The following FGF13 variants were observed in gnomAD, a reference collection of about 807,000 sequenced individuals.
FGF13 encodes fibroblast growth factor 13.
Under a neutral mutation model 19.5 loss-of-function variants are expected in FGF13, and 2 were observed. The observed-to-expected ratio is 0.10, with a 90% confidence interval of 0.04 to 0.32. The LOEUF (loss-of-function observed/expected upper bound fraction) is 0.32. Ranked by LOEUF, FGF13 falls within the 10% of genes least tolerant of loss-of-function variation. The pLI is 1.00. For missense variants in FGF13, 113 were observed against 192.7 expected (o/e 0.59, Z 2.45); for synonymous variants, 72 against 76.9 (o/e 0.94, Z 0.33).
At chrX:138,799,191 G>A (rs897286320) in intron 3 of FGF13, among the ~76,000 whole-genome samples, 1 of 111,783 alleles carries the variant, frequency 8.9e-6, no homozygotes, top group Non-Finnish European at 1.9e-5. Context: ...TCTGATGTGG[G>A]CATTTGGTGC....
intron 1 of FGF13, among the ~76,000 whole-genome samples, chrX:139,000,826 A>G (rs1241933109): frequency 1.8e-5 from 2 of 112,082 alleles, no homozygotes; most frequent in African/African-American, 6.5e-5. Context: ...CAGAATTGGA[A>G]AAAAACAACT....
At chrX:138,685,019 C>A (rs765376336) in intron 3 of FGF13, among the ~76,000 whole-genome samples, 5 of 111,821 alleles carry the variant, frequency 4.5e-5, no homozygotes, top group Non-Finnish European at 9.4e-5. Flanking sequence ...GGAAAATGAA[C>A]TACTAAATAT....
intron 3 of FGF13, among the ~76,000 whole-genome samples, chrX:138,755,265 T>G (rs2124322219): frequency 8.9e-6 from 1 of 112,373 alleles, no homozygotes; most frequent in East Asian, 2.8e-4. Flanking sequence ...TTAAAAATAC[T>G]ATTGGAATTC....
chrX:139,101,108 C>CATAAGTCATATTTGAGT (rs1412999183), intron 1 of FGF13, among the ~76,000 whole-genome samples: 1 of 111,043 alleles, frequency 9.0e-6, no homozygotes, highest in Non-Finnish European at 1.9e-5. Context: ...GACTGATGGG[C>CATAAGTCATATTTGAGT]ATAAGTCATA....
intron 1 of FGF13, among the ~76,000 whole-genome samples, chrX:139,192,543 G>A (rs893132973): frequency 8.0e-5 from 9 of 112,275 alleles, no homozygotes; most frequent in Admixed American, 1.9e-4. Flanking sequence ...GCAAGCTTGA[G>A]AAACACTGCC....
rs192792369 is a variant in FGF13, at chrX:138,958,476, T to C, written c.-112-93826A>G. On this transcript the variant is annotated intron_variant, in intron 1 of 2. Transcript: ENST00000421460. ...CATCGATGTTCATCAGGGATATTGG[T>C]TTAAATTCTCTTTGTTGTGTCTCTG... Among the ~76,000 whole-genome samples the C allele has an allele frequency of 4.1e-4, 45 of 110,978 alleles. No homozygotes were observed. In the East Asian group the frequency reaches 9.1e-3, roughly 23 times the overall value.
intron 3 of FGF13, among the ~76,000 whole-genome samples, chrX:138,672,092 G>T (rs1385805593): frequency 9.1e-6 from 1 of 109,593 alleles, no homozygotes; most frequent in Non-Finnish European, 1.9e-5. Flanking sequence ...ACAGTGAGTG[G>T]TAAGTAAGGA....
intron 1 of FGF13, among the ~76,000 whole-genome samples, chrX:139,122,653 G>C (rs1482488053): frequency 7.2e-5 from 8 of 111,208 alleles, no homozygotes; most frequent in Admixed American, 4.8e-4. Flanking sequence ...TATATAACAG[G>C]CTTCTCAAAA....
chrX:139,178,088 G>C (rs1186355055), intron 1 of FGF13, among the ~76,000 whole-genome samples: 1 of 111,606 alleles, frequency 9.0e-6, no homozygotes, highest in Non-Finnish European at 1.9e-5. Context: ...ACCTCAGTTG[G>C]AAATGCAGAA....
At chrX:138,848,133 G>A (rs995246715) in intron 3 of FGF13, among the ~76,000 whole-genome samples, 4 of 112,008 alleles carry the variant, frequency 3.6e-5, no homozygotes, top group African/African-American at 9.7e-5. Flanking sequence ...ATTACCACAC[G>A]CTTATGGAGA....
intron 1 of FGF13, among the ~76,000 whole-genome samples, chrX:138,978,207 C>T (rs1444495159): frequency 9.1e-6 from 1 of 109,674 alleles, no homozygotes; most frequent in African/African-American, 3.3e-5. Context: ...CATAACTTGC[C>T]TCTGTGTAAA....
chrX:138,736,558 A>G (rs1389159213), intron 1 of FGF13, among the ~76,000 whole-genome samples: 2 of 110,668 alleles, frequency 1.8e-5, no homozygotes, highest in Non-Finnish European at 3.8e-5. Context: ...AATGGACTCA[A>G]TGTTTGGAAT....
chrX:138,699,552 C>T (rs1018674726), intron 3 of FGF13, among the ~76,000 whole-genome samples: 12 of 111,326 alleles, frequency 1.1e-4, no homozygotes, highest in Non-Finnish European at 2.3e-4. Context: ...AATCTGGCTT[C>T]TGTTCCCAAT....
intron 1 of FGF13, among the ~76,000 whole-genome samples, chrX:139,009,580 T>G: frequency 9.0e-6 from 1 of 111,580 alleles, no homozygotes; most frequent in Admixed American, 9.5e-5. Context: ...ATAGATACAC[T>G]CTTTTCCAGA....
intron 3 of FGF13, among the ~76,000 whole-genome samples, chrX:138,842,209 TA>T (rs2091153937): frequency 9.0e-6 from 1 of 111,183 alleles, no homozygotes; most frequent in Non-Finnish European, 1.9e-5. Flanking sequence ...CCTTTTCATA[TA>T]CAGAGTTTTC....
At chrX:138,969,660 T>C (rs1490286783) in intron 1 of FGF13, among the ~76,000 whole-genome samples, 1 of 111,597 alleles carries the variant, frequency 9.0e-6, no homozygotes, top group African/African-American at 3.3e-5. Flanking sequence ...CGGAATGTAT[T>C]AGGAATGTGT....
At chrX:138,934,444 C>T (rs2091721104) in intron 1 of FGF13, among the ~76,000 whole-genome samples, 2 of 112,259 alleles carry the variant, frequency 1.8e-5, no homozygotes. Flanking sequence ...AAATGACCTG[C>T]CATCATGCTA....
At chrX:138,969,550 T>C (rs2091907452) in intron 1 of FGF13, among the ~76,000 whole-genome samples, 1 of 111,459 alleles carries the variant, frequency 9.0e-6, no homozygotes, top group African/African-American at 3.3e-5. Context: ...TAAAATAAGG[T>C]TGTGGGGTGT....
At chrX:138,730,473 T>C (rs1359991082) in intron 1 of FGF13, among the ~76,000 whole-genome samples, 4 of 111,955 alleles carry the variant, frequency 3.6e-5, no homozygotes, top group African/African-American at 1.3e-4. Flanking sequence ...ATCATGAAGT[T>C]TGTAAGAAAA....
Sources: gnomAD v4.1 joint callset for allele counts (sites outside exome capture counted in the v4.1 genomes callset) on GRCh38, gnomAD v4.1.1 for gene constraint, MANE v1.5 for transcripts, NCBI Gene and HGNC (gene_info 2026-07-23, HGNC 2026-07-21) for gene names.